The following ZNF565 variants were observed in gnomAD, a reference collection of about 807,000 sequenced individuals.
ZNF565 encodes the protein zinc finger protein 565.
ZNF565 carries 27 observed loss-of-function variants against 39.4 expected under a neutral mutation model. That is an observed-to-expected ratio of 0.69 (90% CI 0.51 to 0.95). The LOEUF (loss-of-function observed/expected upper bound fraction) is 0.95. Among genes scored for constraint, ZNF565 ranks in the 40% least tolerant of loss-of-function variants. ZNF565 has a pLI of 0.00. For synonymous variants in ZNF565, 185 were observed against 216.6 expected (o/e 0.85, Z 1.28); for missense variants, 524 against 621.1 (o/e 0.84, Z 1.66).
At chr19:36,222,335 T>C (rs983713006) in intron 1 of ZNF565, among the ~76,000 whole-genome samples, 1 of 152,234 alleles carries the variant, frequency 6.6e-6, no homozygotes, top group South Asian at 2.1e-4. Context: ...ATCCCGTTGT[T>C]GAGCATTTGG....
chr19:36,212,088 C>G (rs191450141), intron 1 of ZNF565, among the ~76,000 whole-genome samples: 11 of 152,290 alleles, frequency 7.2e-5, no homozygotes, highest in Non-Finnish European at 1.5e-4. Flanking sequence ...CATAGTGTAA[C>G]GAATTGACCT....
chr19:36,222,656 G>A (rs1449116277), intron 1 of ZNF565, among the ~76,000 whole-genome samples: 1 of 151,786 alleles, frequency 6.6e-6, no homozygotes, highest in African/African-American at 2.4e-5. Flanking sequence ...TTAAAGGCCT[G>A]TATGTATTAA....
chr19:36,195,273 G>T, intron 2 of ZNF565, 117 bp from the exon 3 acceptor site: 3 of 1,196,430 alleles, frequency 2.5e-6, no homozygotes, highest in Non-Finnish European at 3.5e-6. Flanking sequence ...CCCCCGATAT[G>T]CACCAGTCTG....
intron 1 of ZNF565, among the ~76,000 whole-genome samples, chr19:36,229,171 G>A (rs1185351067): frequency 1.3e-5 from 2 of 152,120 alleles, no homozygotes; most frequent in African/African-American, 4.8e-5. Context: ...TGATATTCAG[G>A]TTCCTTTTTG....
chr19:36,229,462 A>G (rs140187889), intron 1 of ZNF565, among the ~76,000 whole-genome samples: 1 of 152,240 alleles, frequency 6.6e-6, no homozygotes, highest in African/African-American at 2.4e-5. Context: ...CTCCTGCCTC[A>G]GACTCCCGAA....
chr19:36,231,351 AG>A (rs2145443497), intron 1 of ZNF565, among the ~76,000 whole-genome samples: 1 of 152,178 alleles, frequency 6.6e-6, no homozygotes, highest in African/African-American at 2.4e-5. Context: ...CTGGGACTAC[AG>A]GTGCCCACCA....
At position 36,194,294 on chromosome 19, in the gene ZNF565, T is replaced by A. The variant is rs746857908; in HGVS notation, c.171A>T (p.Leu57Phe). Residue 57 changes from leucine (L) to phenylalanine (F), a missense_variant, in exon 4 of 5, where the codon TTA (leucine) becomes TTT (phenylalanine). Transcript: ENST00000304116. ...TCCAGGGCTCTTTCCCTTGCTCCAA[T>A]AAGGAGACGACATCAGGCTTAGAAA... The part of the protein sequence containing the change: ...LSISKPDVVS[L>F]LEQGKEPWMI... 1 of 1,612,774 alleles carries A rather than the reference T, an allele frequency of 6.2e-7. No individual in the cohort carries two copies. Among genetic ancestry groups the A allele is most frequent in the East Asian group, 2.2e-5 (1 of 44,856 alleles).
intron 1 of ZNF565, chr19:36,237,178 G>A: frequency 6.2e-7 from 1 of 1,614,130 alleles, no homozygotes; most frequent in Non-Finnish European, 8.5e-7. Context: ...ATGAATGTGG[G>A]AAAGCTTTCT....
intron 1 of ZNF565, among the ~76,000 whole-genome samples, chr19:36,208,292 C>T (rs1976232711): frequency 6.6e-6 from 1 of 151,508 alleles, no homozygotes. Flanking sequence ...GCTTCAGCCT[C>T]CTGGGCTAAG....
intron 1 of ZNF565, among the ~76,000 whole-genome samples, chr19:36,240,782 T>C (rs977855034): frequency 1.3e-5 from 2 of 151,812 alleles, no homozygotes; most frequent in African/African-American, 4.8e-5. Flanking sequence ...GGCAGGAGAA[T>C]TGCTCCAACC....
chr19:36,213,761 G>A (rs1298240342), intron 1 of ZNF565, among the ~76,000 whole-genome samples: 3 of 150,110 alleles, frequency 2.0e-5, no homozygotes, highest in Non-Finnish European at 4.4e-5. Context: ...TCCCACCTCG[G>A]CCTCCCAAAG....
intron 1 of ZNF565, among the ~76,000 whole-genome samples, chr19:36,211,335 T>C (rs543717501): frequency 1.3e-5 from 2 of 151,454 alleles, no homozygotes; most frequent in East Asian, 2.0e-4. Flanking sequence ...CCCAGAAACT[T>C]GGGAGGCTGA....
At position 36,221,150 on chromosome 19, in the gene ZNF565, A is replaced by G. The variant is rs143413477; in HGVS notation, c.56-19100T>C. ...CATGAGCCACTGAGCCCAGCTTTTAAAATGCATCTCACTAAAGATGTATGT... is the reference window on the plus strand; with the variant it reads ...CATGAGCCACTGAGCCCAGCTTTTAGAATGCATCTCACTAAAGATGTATGT... On this transcript the variant is annotated intron_variant, in intron 1 of 4. Coordinates refer to the ZNF565 transcript ENST00000355114. 1.3e-3 allele frequency among the ~76,000 whole-genome samples: 194 copies of G among 152,168 alleles called. 1 individual carries two copies. The highest frequency in any genetic ancestry group is 4.5e-3 in the African/African-American group (187 of 41,524).
intron 1 of ZNF565, chr19:36,237,825 CT>C (rs1423040560): frequency 1.8e-5 from 3 of 166,998 alleles, no homozygotes; most frequent in African/African-American, 7.2e-5. Flanking sequence ...AATAATGGAA[CT>C]ATTTTTTTTA....
At chr19:36,190,436 C>A (rs559369793) in intron 4 of ZNF565, among the ~76,000 whole-genome samples, 2 of 151,570 alleles carry the variant, frequency 1.3e-5, no homozygotes, top group Non-Finnish European at 2.9e-5. Context: ...ATTAGCCGGG[C>A]GTGGTGGTGG....
At chr19:36,226,714 G>T (rs35511220) in intron 1 of ZNF565, among the ~76,000 whole-genome samples, 1 of 152,128 alleles carries the variant, frequency 6.6e-6, no homozygotes, top group Non-Finnish European at 1.5e-5. Flanking sequence ...GTTTAACATT[G>T]ATACATTAGT....
At chr19:36,194,410 C>A (rs1975684684) in intron 3 of ZNF565, 82 bp from the exon 4 acceptor site, 6 of 1,078,656 alleles carry the variant, frequency 5.6e-6, no homozygotes, top group Non-Finnish European at 7.8e-6. Context: ...GGAAAAGACG[C>A]AATTACAAGG....
Position 36,182,603 on chromosome 19 carries a change from C to T in ZNF565, c.1363G>A (p.Ala455Thr). The T allele has an allele frequency of 6.2e-7, 1 of 1,614,102 alleles. No individual in the cohort carries two copies. Among genetic ancestry groups the T allele is most frequent in the Non-Finnish European group, 8.5e-7 (1 of 1,179,982 alleles). ...KPYECRECGM[A>T]FIRSSQLTEH... is the part of the protein sequence containing the mutation. The stretch of plus-strand genomic sequence containing the variant: ...GTAAGTTGTGAACTACGAATAAAGG[C>T]CATTCCACACTCCCTGCATTCATAG... The change falls in exon 5 of 5, where the codon GCC (alanine) becomes ACC (threonine). Residue 455 changes from alanine (A) to threonine (T), a missense_variant. Physicochemically the swap from Ala to Thr is moderately conservative, Grantham distance 58. Coordinates refer to ENST00000304116, the MANE Select transcript of ZNF565 (RefSeq NM_152477.5).
intron 1 of ZNF565, among the ~76,000 whole-genome samples, chr19:36,220,869 T>G (rs1976805750): frequency 7.0e-6 from 1 of 142,090 alleles, no homozygotes. Context: ...TTTTTTTTTT[T>G]GAGATGTTGT....
Sources: allele counts gnomAD v4.1 joint callset (sites outside exome capture counted in the v4.1 genomes callset), GRCh38; gene constraint gnomAD v4.1.1; transcripts MANE v1.5; gene names NCBI Gene and HGNC (gene_info 2026-07-23, HGNC 2026-07-21).